Variants in RALYL observed in about 807,000 individuals in gnomAD.
RALYL encodes the protein RNA-binding Raly-like protein.
RALYL carries 29 observed loss-of-function variants against 35.1 expected under a neutral mutation model. The observed-to-expected ratio is 0.83, with a 90% CI of 0.61 to 1.13. RALYL has a LOEUF of 1.13. Among genes scored for constraint, RALYL ranks in the 50% most tolerant of loss-of-function variants. The pLI is 0.00. For synonymous variants in RALYL, 120 were observed against 127.6 expected (o/e 0.94, Z 0.40); for missense variants, 359 against 360.4 (o/e 1.00, Z 0.03).
intron 2 of RALYL, among the ~76,000 whole-genome samples, chr8:84,731,559 A>G (rs1846180621): frequency 6.6e-6 from 1 of 152,048 alleles, no homozygotes; most frequent in African/African-American, 2.4e-5. Flanking sequence ...AATCCATCCA[A>G]TTCTCTCCAC....
chr8:84,441,089 T>A (rs528479687), intron 1 of RALYL, among the ~76,000 whole-genome samples: 1 of 152,180 alleles, frequency 6.6e-6, no homozygotes, highest in African/African-American at 2.4e-5. Flanking sequence ...TATGTAGTAG[T>A]GGTGTATTTT....
At chr8:84,481,931 T>A (rs1389144556) in intron 1 of RALYL, among the ~76,000 whole-genome samples, 1 of 152,140 alleles carries the variant, frequency 6.6e-6, no homozygotes, top group Admixed American at 6.6e-5. Flanking sequence ...TAAAATTGAA[T>A]ATTTGAGTGT....
At chr8:84,896,220 G>A (rs1034713367) in intron 8 of RALYL, among the ~76,000 whole-genome samples, 2 of 152,162 alleles carry the variant, frequency 1.3e-5, no homozygotes, top group East Asian at 3.9e-4. Flanking sequence ...CATTGTGCCA[G>A]AGAAGCCACA....
intron 2 of RALYL, among the ~76,000 whole-genome samples, chr8:84,541,630 T>C (rs1370490915): frequency 1.3e-5 from 2 of 152,154 alleles, no homozygotes; most frequent in Middle Eastern, 3.4e-3. Flanking sequence ...TCGTTACTGA[T>C]TTTTGTCCTC....
chr8:84,456,845 T>C (rs2050190753), intron 1 of RALYL, among the ~76,000 whole-genome samples: 1 of 152,046 alleles, frequency 6.6e-6, no homozygotes, highest in African/African-American at 2.4e-5. Context: ...TTCTTTATCA[T>C]TTAGGCATTT....
At chr8:84,442,458 G>C (rs1232199351) in intron 1 of RALYL, among the ~76,000 whole-genome samples, 1 of 151,728 alleles carries the variant, frequency 6.6e-6, no homozygotes, top group African/African-American at 2.4e-5. Context: ...CACCATTTTT[G>C]CTTGCCTTCT....
intron 1 of RALYL, among the ~76,000 whole-genome samples, chr8:84,311,153 A>T (rs1027752795): frequency 1.3e-5 from 2 of 149,894 alleles, no homozygotes; most frequent in Non-Finnish European, 3.0e-5. Flanking sequence ...ATGTATAATC[A>T]ACTGTAAAAA....
At chr8:84,788,900 G>A (rs1820168874) in intron 3 of RALYL, among the ~76,000 whole-genome samples, 1 of 152,214 alleles carries the variant, frequency 6.6e-6, no homozygotes. Context: ...TGAGCAATCA[G>A]GAATGTGTGC....
intron 1 of RALYL, among the ~76,000 whole-genome samples, chr8:84,499,523 A>G (rs711030): frequency 0.43 from 65,789 of 151,970 alleles, 14,318 homozygotes; most frequent in East Asian, 0.52. Context: ...GCATGTGGCA[A>G]ACACTGAGCA....
intron 4 of RALYL, among the ~76,000 whole-genome samples, chr8:84,845,191 A>G (rs1203672114): frequency 6.6e-6 from 1 of 152,236 alleles, no homozygotes; most frequent in Non-Finnish European, 1.5e-5. Context: ...ATCTGAAAAT[A>G]CTGAGAACTT....
chr8:84,836,499 T>C (rs1188044679), intron 4 of RALYL, among the ~76,000 whole-genome samples: 1 of 152,200 alleles, frequency 6.6e-6, no homozygotes, highest in African/African-American at 2.4e-5. Flanking sequence ...GAATATTTCA[T>C]CAATGAAACT....
At chr8:84,875,062 A>T (rs899163077) in intron 7 of RALYL, among the ~76,000 whole-genome samples, 3 of 151,832 alleles carry the variant, frequency 2.0e-5, no homozygotes, top group Non-Finnish European at 2.9e-5. Context: ...TATTATTTCC[A>T]ATTCAGAAAG....
intron 1 of RALYL, among the ~76,000 whole-genome samples, chr8:84,375,947 G>A (rs994248127): frequency 6.6e-6 from 1 of 151,778 alleles, no homozygotes; most frequent in Non-Finnish European, 1.5e-5. Context: ...CTTGCAAACT[G>A]GTGGACTCAA....
At chr8:84,575,938 G>A (rs941740345) in intron 2 of RALYL, among the ~76,000 whole-genome samples, 3 of 149,780 alleles carry the variant, frequency 2.0e-5, no homozygotes, top group Middle Eastern at 3.2e-3. Flanking sequence ...ACCAGGCCTG[G>A]GCAACATAGC....
intron 2 of RALYL, among the ~76,000 whole-genome samples, chr8:84,757,308 A>G (rs1277357649): frequency 6.6e-6 from 1 of 152,146 alleles, no homozygotes; most frequent in Non-Finnish European, 1.5e-5. Context: ...ATTTAGCTTC[A>G]AAAGGTAAAA....
chr8:84,773,719 AT>A (rs1816147720), intron 2 of RALYL, among the ~76,000 whole-genome samples: 1 of 152,186 alleles, frequency 6.6e-6, no homozygotes, highest in South Asian at 2.1e-4. Context: ...TGCTGAGTGC[AT>A]TTTGTTGCTC....
chr8:84,300,127 G>A (rs910984577), intron 1 of RALYL, among the ~76,000 whole-genome samples: 5 of 151,974 alleles, frequency 3.3e-5, no homozygotes, highest in South Asian at 2.1e-4. Flanking sequence ...AGAGATTCTA[G>A]TATGTTGTAT....
At chr8:84,784,943 T>C (rs1819033997) in intron 3 of RALYL, among the ~76,000 whole-genome samples, 1 of 152,230 alleles carries the variant, frequency 6.6e-6, no homozygotes. Context: ...TTTATTTTTA[T>C]TGGTATTTCC....
intron 1 of RALYL, among the ~76,000 whole-genome samples, chr8:84,281,065 A>G (rs918179061): frequency 2.0e-5 from 3 of 152,182 alleles, no homozygotes; most frequent in African/African-American, 7.2e-5. Context: ...GCTATGCAGC[A>G]CTTTCATTAG....
Sources: gnomAD v4.1 joint callset for allele counts (sites outside exome capture counted in the v4.1 genomes callset) on GRCh38, gnomAD v4.1.1 for gene constraint, MANE v1.5 for transcripts, NCBI Gene and HGNC (gene_info 2026-07-23, HGNC 2026-07-21) for gene names.